KLHL11: variants seen among roughly 807,000 people sequenced by gnomAD.
The protein encoded by KLHL11 is kelch like family member 11, also known as kelch-like protein 11.
A neutral mutation model predicts 56.1 loss-of-function variants in KLHL11; 26 were observed. The observed-to-expected ratio is 0.46, with a 90% CI of 0.34 to 0.64. The LOEUF is 0.64. Ranked by LOEUF, KLHL11 falls within the 30% of genes least tolerant of loss-of-function variation. The pLI is 0.01. For missense variants in KLHL11, 627 were observed against 919.4 expected, an observed-to-expected ratio of 0.68 and a Z score of 4.11; for synonymous variants, 338 against 345.8, an observed-to-expected ratio of 0.98 and a Z score of 0.25.
chr17:41,859,764 GAA>G (rs1555622906), intron 1 of KLHL11, among the ~76,000 whole-genome samples: 1 of 151,988 alleles, frequency 6.6e-6, no homozygotes, highest in African/African-American at 2.4e-5. Context: ...AAAAACAAAA[GAA>G]AGTGATCTGG....
rs782476795 is a variant in KLHL11, at chr17:41,853,961, C to T, written c.1906G>A (p.Ala636Thr). The T allele has an allele frequency of 1.9e-6, 3 of 1,614,166 alleles. No individual in the cohort carries two copies. In the South Asian group the frequency reaches 3.3e-5, roughly 18 times the overall value. ...QYRKEAYRYCAERKRWMLLPP... is the reference protein window; with the variant it reads ...QYRKEAYRYCTERKRWMLLPP... ...AGAAGCATCCACCTCTTCCTCTCCG[C>T]ACAATATCGGTAGGCTTCTTTCCGA... Residue 636 changes from alanine (A) to threonine (T), a missense_variant, in exon 2 of 2, where the codon GCG (alanine) becomes ACG (threonine). Ala to Thr is a moderately conservative substitution (Grantham distance 58, BLOSUM62 0). This residue lies in a region of KLHL11 where 250 missense variants were observed against 360.6 expected (regional missense o/e 0.69). Coordinates refer to ENST00000319121, the MANE Select transcript of KLHL11 (RefSeq NM_018143.3).
At chr17:41,862,999 A>G (rs575992171) in intron 1 of KLHL11, among the ~76,000 whole-genome samples, 31 of 151,858 alleles carry the variant, frequency 2.0e-4, no homozygotes, top group African/African-American at 7.5e-4. Flanking sequence ...TTTCCCTTAT[A>G]CCCCACGTCA....
chr17:41,854,046 G>T lies in KLHL11; in HGVS notation c.1821C>A (p.Tyr607Ter). ...LSIEGAAICY[Y>*]KDDVFIIGGW... is the part of the protein sequence containing the mutation. ...CTCCTATAATGAAGACATCATCTTT[G>T]TAATAGCAAATGGCTGCTCCTTCGA... The change falls in exon 2 of 2, where the codon TAC becomes TAA. Residue 607 changes from tyrosine (Y) to a stop codon, truncating the protein, a stop_gained. Transcript: ENST00000319121. LOFTEE classifies it high-confidence loss of function. The surrounding 1 kb of genome is among the most constrained non-coding windows in gnomAD (Gnocchi z 4.9). 1 of 1,614,084 alleles carries T rather than the reference G, an allele frequency of 6.2e-7. No individual in the cohort carries two copies. Among genetic ancestry groups the T allele is most frequent in the Non-Finnish European group, 8.5e-7 (1 of 1,179,970 alleles).
At position 41,854,502 on chromosome 17, in the gene KLHL11, G is replaced by A. The variant is rs782089049; in HGVS notation, c.1365C>T (p.Leu455=). The A allele has an allele frequency of 1.2e-6, 2 of 1,614,130 alleles. No individual in the cohort carries two copies. ...AGTTGCCATGTCCTCCAATGCTATAGAGCTTCCCTTTGACTTCTGTTAGTC... is the reference window on the plus strand; with the variant it reads ...AGTTGCCATGTCCTCCAATGCTATAAAGCTTCCCTTTGACTTCTGTTAGTC... ...SFGLTEVKGK[L]YSIGGHGNFS... is the part of the protein sequence containing the mutation. Residue 455 remains leucine, a synonymous_variant, in exon 2 of 2, where the codon CTC becomes CTT. Transcript: ENST00000319121. The surrounding 1 kb of genome is among the most constrained non-coding windows in gnomAD (Gnocchi z 4.9).
rs1227248431 is a variant in KLHL11 at position 41,850,377 on chromosome 17, T to C, written c.*3363A>G. On this transcript the variant is annotated 3_prime_UTR_variant, in exon 2 of 2. Transcript: ENST00000319121. ...CTAAGTTAAAAAACAACAGTTTCAA[T>C]CAAGGTTTTAAAACCAGATTATGCC... The C allele has an allele frequency of 2.0e-5, 3 of 152,224 alleles. No individual in the cohort carries two copies. Among genetic ancestry groups the C allele is most frequent in the South Asian group, 4.2e-4 (2 of 4,818 alleles). 9.4% of individuals were successfully genotyped at this position (152,224 alleles called of 1,614,324 possible). A position where few individuals can be genotyped will look rare whatever the true frequency, so the allele number is the denominator to read the frequency against.
chr17:41,862,022 C>T (rs1239240963), intron 1 of KLHL11, among the ~76,000 whole-genome samples: 7 of 152,170 alleles, frequency 4.6e-5, no homozygotes, highest in African/African-American at 1.4e-4. Flanking sequence ...AGAGTTGACA[C>T]GACTGGCTAC....
intron 1 of KLHL11, among the ~76,000 whole-genome samples, chr17:41,863,851 C>G (rs1365274644): frequency 6.6e-6 from 1 of 152,024 alleles, no homozygotes; most frequent in Non-Finnish European, 1.5e-5. Flanking sequence ...GAAAACACTT[C>G]CTCTCCCCCA....
chr17:41,864,606 C>T (rs2048425201), intron 1 of KLHL11, among the ~76,000 whole-genome samples: 1 of 152,280 alleles, frequency 6.6e-6, no homozygotes, highest in South Asian at 2.1e-4. Flanking sequence ...CACCTAGTAT[C>T]TGAGCTCCTT....
chr17:41,856,609 C>T (rs7223890), intron 1 of KLHL11, among the ~76,000 whole-genome samples: 3 of 152,118 alleles, frequency 2.0e-5, no homozygotes, highest in Non-Finnish European at 4.4e-5. Context: ...AGCACATATA[C>T]GCTGGGCATG....
chr17:41,853,800 T>C lies in KLHL11; in HGVS notation c.2067A>G (p.Gln689=). The C allele has an allele frequency of 1.2e-6, 2 of 1,614,210 alleles. No homozygotes were observed. Among genetic ancestry groups the C allele is most frequent in the Non-Finnish European group, 1.7e-6 (2 of 1,180,034 alleles). The change falls in exon 2 of 2, where the codon CAA becomes CAG. Residue 689 remains glutamine (Q), a synonymous_variant. Transcript: ENST00000319121. ...TGTTCAGGGCGTGACGATGTATCTC[T>C]TGCATCTGTCTGATGCGGTCCTTCT... ...MWQKDRIRQM[Q]EIHRHALNMR... is the part of the protein sequence containing the mutation.
At chr17:41,857,324 G>A (rs2048372789) in intron 1 of KLHL11, among the ~76,000 whole-genome samples, 1 of 151,722 alleles carries the variant, frequency 6.6e-6, no homozygotes, top group Admixed American at 6.6e-5. Flanking sequence ...GGCCAACATG[G>A]TGAAACCTTG....
chr17:41,858,408 T>TTGG, intron 1 of KLHL11, among the ~76,000 whole-genome samples: 1 of 144,048 alleles, frequency 6.9e-6, no homozygotes, highest in East Asian at 2.0e-4. Context: ...ATATATATTT[T>TTGG]TTGTTGTTGT....
chr17:41,854,588 T>G lies in KLHL11; in HGVS notation c.1279A>C (p.Asn427His). The G allele has an allele frequency of 1.9e-6, 3 of 1,614,248 alleles. No homozygotes were observed. Among genetic ancestry groups the G allele is most frequent in the Non-Finnish European group, 1.7e-6 (2 of 1,180,050 alleles). ...TGTTCCCATGTATTCAAATTTGGGT[T>G]ATACCTTTCTACAGTTTTAGCAAAC... ...PGFAKTVERY[N>H]PNLNTWEHVC... Residue 427 changes from asparagine to histidine, a missense_variant, in exon 2 of 2, where the codon AAC (asparagine) becomes CAC (histidine). Physicochemically the swap from Asn to His is moderately conservative, Grantham distance 68. This residue lies in a region of KLHL11 where 250 missense variants were observed against 360.6 expected (regional missense o/e 0.69). Coordinates refer to ENST00000319121, the MANE Select transcript of KLHL11 (RefSeq NM_018143.3). This position sits in a 1 kb window ranked among gnomAD's most constrained non-coding sequence, Gnocchi z 4.9.
At position 41,853,443 on chromosome 17, in the gene KLHL11, C is replaced by T. The variant is rs1208984770; in HGVS notation, c.*297G>A. ...AGTCCTCAAGACAAAGGAGTCATAACTCGTTGGCAGGAAAACAGCTAAGCA... is the reference window on the plus strand; with the variant it reads ...AGTCCTCAAGACAAAGGAGTCATAATTCGTTGGCAGGAAAACAGCTAAGCA... On this transcript the variant is annotated 3_prime_UTR_variant, in exon 2 of 2. Transcript: ENST00000319121. 7.3e-6 allele frequency: 2 copies of T among 272,526 alleles called. No individual in the cohort carries two copies. Among genetic ancestry groups the T allele is most frequent in the Non-Finnish European group, 1.4e-5 (2 of 146,008 alleles). 16.9% of individuals were successfully genotyped at this position (272,526 alleles called of 1,614,324 possible).
chr17:41,864,678 C>T (rs1359794315), intron 1 of KLHL11, 148 bp downstream of exon 1: 1 of 890,140 alleles, frequency 1.1e-6, no homozygotes, highest in Non-Finnish European at 1.6e-6. Context: ...CGGTGGCTGC[C>T]CCCAAGCAGG....
rs944598381 is a variant in KLHL11 at position 41,849,866 on chromosome 17, G to C, written c.*3874C>G. On this transcript the variant is annotated 3_prime_UTR_variant, in exon 2 of 2. Transcript: ENST00000319121. ...CAAGGATACCCATTCTAAGATATAA[G>C]TAGCCTCACTCAAAGTTACATATAC... 2.6e-5 allele frequency: 4 copies of C among 152,096 alleles called. No individual in the cohort carries two copies. The highest frequency in any genetic ancestry group is 4.1e-4 in the South Asian group (2 of 4,830). 9.4% of individuals were successfully genotyped at this position (152,096 alleles called of 1,614,324 possible). A position where few individuals can be genotyped will look rare whatever the true frequency, so the allele number is the denominator to read the frequency against.
Position 41,854,828 on chromosome 17 carries a change from G to C in KLHL11, c.1039C>G (p.His347Asp). ...QSGTCQHPTS[H>D]VSLLPRYGQN... ...CCATAACGAGGCAATAGTGACACAT[G>C]AGAAGTGGGGTGCTGGCATGTGCCA... is the stretch of plus-strand genomic sequence containing the variant. Residue 347 changes from histidine to aspartate, a missense_variant, in exon 2 of 2, where the codon CAT becomes GAT. Around this residue, in one of 4 missense-constraint regions of KLHL11, gnomAD observed 106 missense variants for 227.0 expected, o/e 0.47. Transcript: ENST00000319121. This position sits in a 1 kb window ranked among gnomAD's most constrained non-coding sequence, Gnocchi z 4.9. 6.2e-7 allele frequency: 1 copy of C among 1,614,198 alleles called. No individual in the cohort carries two copies. Among genetic ancestry groups the C allele is most frequent in the East Asian group, 2.2e-5 (1 of 44,886 alleles).
At position 41,853,703 on chromosome 17, in the gene KLHL11, CG is replaced by C. The variant is rs2048344772; in HGVS notation, c.*36del. 6.4e-7 allele frequency: 1 copy of C among 1,553,000 alleles called. No homozygotes were observed. Among genetic ancestry groups the C allele is most frequent in the East Asian group, 2.3e-5 (1 of 44,158 alleles). Reference sequence around the variant, plus strand: ...CCTGGGTATCTTCAGCTTCACGAAACGGGTGTAACAGTTTTAATCGGCACGC... The same window carrying C: ...CCTGGGTATCTTCAGCTTCACGAAACGGTGTAACAGTTTTAATCGGCACGC... On this transcript the variant is annotated 3_prime_UTR_variant, in exon 2 of 2. Coordinates refer to ENST00000319121, the MANE Select transcript of KLHL11 (RefSeq NM_018143.3).
chr17:41,856,405 GTGTT>G (rs1374063332), intron 1 of KLHL11, among the ~76,000 whole-genome samples: 1 of 151,892 alleles, frequency 6.6e-6, no homozygotes, highest in Non-Finnish European at 1.5e-5. Flanking sequence ...GCTTCCCAAA[GTGTT>G]TGGGATTACA....
Sources: allele counts gnomAD v4.1 joint callset (sites outside exome capture counted in the v4.1 genomes callset), GRCh38; gene constraint gnomAD v4.1.1; regional missense constraint gnomAD v4.1.1; non-coding constraint Gnocchi (gnomAD v3.1); transcripts MANE v1.5; gene names NCBI Gene and HGNC (gene_info 2026-07-23, HGNC 2026-07-21).